NALF1: variants seen among roughly 807,000 people sequenced by gnomAD.
The protein encoded by NALF1 is NALCN channel auxiliary factor 1.
In NALF1, 3 loss-of-function variants were observed where a neutral mutation model predicts 48.4. The observed-to-expected ratio is 0.06, with a 90% CI of 0.03 to 0.16. NALF1 has a LOEUF of 0.16. Among genes scored for constraint, NALF1 ranks in the 10% least tolerant of loss-of-function variants. NALF1 has a pLI of 1.00. For missense variants in NALF1, 526 were observed against 571.5 expected, an observed-to-expected ratio of 0.92 and a Z score of 0.81; for synonymous variants, 262 against 245.7, an observed-to-expected ratio of 1.07 and a Z score of -0.62.
At chr13:107,708,713 C>CTTGT (rs112791040) in intron 1 of NALF1, among the ~76,000 whole-genome samples, 139,930 of 151,748 alleles carry the variant, frequency 0.92, 64,641 homozygotes, top group East Asian at 1. Flanking sequence ...TACCTTTTCT[C>CTTGT]TTTATTTATT....
At chr13:107,787,819 C>A (rs1878119776) in intron 1 of NALF1, among the ~76,000 whole-genome samples, 1 of 152,200 alleles carries the variant, frequency 6.6e-6, no homozygotes, top group Admixed American at 6.5e-5. Flanking sequence ...AGTGCATCTA[C>A]TGATAAATAA....
At chr13:107,417,912 A>G (rs952578607) in intron 1 of NALF1, among the ~76,000 whole-genome samples, 1 of 152,070 alleles carries the variant, frequency 6.6e-6, no homozygotes. Flanking sequence ...AACACAAAAT[A>G]TAGCCGGGTA....
At chr13:107,496,982 C>T (rs1298881395) in intron 1 of NALF1, among the ~76,000 whole-genome samples, 1 of 152,088 alleles carries the variant, frequency 6.6e-6, no homozygotes, top group Non-Finnish European at 1.5e-5. Context: ...AGAGCCAAAC[C>T]ATATCAGGAA....
intron 1 of NALF1, among the ~76,000 whole-genome samples, chr13:107,612,457 C>T (rs967186579): frequency 4.6e-5 from 7 of 152,106 alleles, no homozygotes; most frequent in Admixed American, 6.5e-5. Context: ...TGCCCAGACT[C>T]TTGGTCCCAC....
At chr13:107,652,144 C>G (rs1218320706) in intron 1 of NALF1, among the ~76,000 whole-genome samples, 1 of 152,098 alleles carries the variant, frequency 6.6e-6, no homozygotes, top group Non-Finnish European at 1.5e-5. Context: ...TGGACTGGGA[C>G]TTTGGACAAT....
At chr13:107,424,646 C>T (rs148288832) in intron 1 of NALF1, among the ~76,000 whole-genome samples, 59 of 152,268 alleles carry the variant, frequency 3.9e-4, no homozygotes, top group African/African-American at 1.3e-3. Flanking sequence ...AGAGCAATGA[C>T]AGTCACTTGT....
intron 1 of NALF1, among the ~76,000 whole-genome samples, chr13:107,464,634 C>T (rs1332843664): frequency 6.6e-6 from 1 of 152,136 alleles, no homozygotes; most frequent in Non-Finnish European, 1.5e-5. Context: ...AATTCTCCTG[C>T]CTCAGCCTCC....
chr13:107,230,912 T>C (rs1231786951), intron 1 of NALF1, among the ~76,000 whole-genome samples: 2 of 151,810 alleles, frequency 1.3e-5, no homozygotes, highest in Non-Finnish European at 2.9e-5. Context: ...ATTCAAAAAT[T>C]AGCCAGACAT....
intron 1 of NALF1, among the ~76,000 whole-genome samples, chr13:107,570,143 CAG>C (rs754562215): frequency 1.4e-4 from 21 of 151,772 alleles, no homozygotes; most frequent in Non-Finnish European, 2.8e-4. Flanking sequence ...CATCTACAAA[CAG>C]AAAGTTTTAC....
In NALF1 at chr13:107,516,071, AC is replaced by A. The variant is rs1876040195; in HGVS notation, c.916-305317del. On this transcript the variant is annotated intron_variant, in intron 1 of 2. Transcript: ENST00000375915. ...TTCTGATAAGAAAAGGAAAATGTTC[AC>A]TGGGGGTTTGAATATTTAGGGTTTC... Among the ~76,000 whole-genome samples, 4 of 152,292 alleles carry A rather than the reference AC, an allele frequency of 2.6e-5. No homozygotes were observed. The South Asian group carries it at 8.3e-4, about 32-fold the overall frequency.
At chr13:107,321,643 C>T (rs1403729395) in intron 1 of NALF1, among the ~76,000 whole-genome samples, 1 of 152,134 alleles carries the variant, frequency 6.6e-6, no homozygotes, top group Non-Finnish European at 1.5e-5. Context: ...CCACCAACTT[C>T]CATGGGTTGT....
Position 107,543,383 on chromosome 13 carries a change from C to T in NALF1, c.915+322299G>A, listed in dbSNP as rs540500120. The stretch of plus-strand genomic sequence containing the variant: ...ATTCAATTGTAATTAACTTAAGATA[C>T]TATTCAGGCTCACTCACAGAGAAAA... On this transcript the variant is annotated intron_variant, in intron 1 of 2. Coordinates refer to ENST00000375915, the MANE Select transcript of NALF1 (RefSeq NM_001080396.3). 3.3e-5 allele frequency among the ~76,000 whole-genome samples: 5 copies of T among 152,106 alleles called. No individual in the cohort carries two copies. In the South Asian group the frequency reaches 1.0e-3, roughly 32 times the overall value.
chr13:107,579,469 G>A (rs1878240033), intron 1 of NALF1, among the ~76,000 whole-genome samples: 3 of 152,172 alleles, frequency 2.0e-5, no homozygotes, highest in Admixed American at 6.5e-5. Context: ...GGTCACTGGA[G>A]ACAGAGCAAA....
At chr13:107,396,278 A>G (rs1184631426) in intron 1 of NALF1, among the ~76,000 whole-genome samples, 1 of 152,188 alleles carries the variant, frequency 6.6e-6, no homozygotes, top group Non-Finnish European at 1.5e-5. Context: ...GGGTAAGGGC[A>G]TCAACATAAA....
intron 1 of NALF1, among the ~76,000 whole-genome samples, chr13:107,424,040 G>A (rs544157392): frequency 2.6e-5 from 4 of 151,614 alleles, no homozygotes; most frequent in South Asian, 2.1e-4. Context: ...AATTACTACC[G>A]GGATGTTTGC....
At chr13:107,618,277 AC>A (rs1879432893) in intron 1 of NALF1, among the ~76,000 whole-genome samples, 1 of 152,208 alleles carries the variant, frequency 6.6e-6, no homozygotes, top group African/African-American at 2.4e-5. Flanking sequence ...GCAAACAGGA[AC>A]TGTTCAAGGC....
At chr13:107,366,905 G>T (rs997459378) in intron 1 of NALF1, among the ~76,000 whole-genome samples, 1 of 152,148 alleles carries the variant, frequency 6.6e-6, no homozygotes, top group African/African-American at 2.4e-5. Flanking sequence ...ATCCGAACTG[G>T]GTATCCTACA....
In NALF1 at chr13:107,164,751, C is replaced by T. The variant is rs1450596898; in HGVS notation, c.*5746G>A. ...AAGACTTTCAAACTGTATTGAAAAT[C>T]TATTGATGGTCAGTCTGCTAGCTTA... On this transcript the variant is annotated 3_prime_UTR_variant, in exon 3 of 3. Coordinates refer to ENST00000375915, the MANE Select transcript of NALF1 (RefSeq NM_001080396.3). The T allele has an allele frequency of 2.0e-5, 3 of 151,924 alleles. No homozygotes were observed. Among genetic ancestry groups the T allele is most frequent in the Admixed American group, 6.6e-5 (1 of 15,256 alleles). 9.4% of individuals were successfully genotyped at this position (151,924 alleles called of 1,614,324 possible). A position where few individuals can be genotyped will look rare whatever the true frequency, so the allele number is the denominator to read the frequency against.
At chr13:107,325,877 T>TATATATATAC (rs1227230798) in intron 1 of NALF1, among the ~76,000 whole-genome samples, 1 of 102,974 alleles carries the variant, frequency 9.7e-6, no homozygotes, top group Non-Finnish European at 2.1e-5. Flanking sequence ...TATATATATA[T>TATATATATAC]ATATATATAT....
Sources: allele counts gnomAD v4.1 joint callset (sites outside exome capture counted in the v4.1 genomes callset), GRCh38; gene constraint gnomAD v4.1.1; transcripts MANE v1.5; gene names NCBI Gene and HGNC (gene_info 2026-07-23, HGNC 2026-07-21).